Variants in AGAP3 observed in about 807,000 individuals in gnomAD.
The protein encoded by AGAP3 is ArfGAP with GTPase domain, ankyrin repeat and PH domain 3.
A neutral mutation model predicts 96.9 loss-of-function variants in AGAP3; 24 were observed. That is an observed-to-expected ratio of 0.25 (90% confidence interval 0.18 to 0.35). The LOEUF is 0.35. Ranked by LOEUF, AGAP3 falls within the 10% of genes least tolerant of loss-of-function variation. The pLI is 1.00. For synonymous variants in AGAP3, 563 were observed against 536.1 expected (o/e 1.05, Z -0.69); for missense variants, 876 against 1,254.2 (o/e 0.70, Z 4.55).
intron 1 of AGAP3, among the ~76,000 whole-genome samples, chr7:151,102,648 T>C (rs1013208744): frequency 4.6e-5 from 7 of 151,756 alleles, no homozygotes; most frequent in African/African-American, 1.5e-4. Context: ...TCTCGCTCTG[T>C]GGCTCAGGCT....
At chr7:151,102,591 G>A (rs1432378775) in intron 1 of AGAP3, among the ~76,000 whole-genome samples, 7 of 136,466 alleles carry the variant, frequency 5.1e-5, no homozygotes, top group Non-Finnish European at 9.3e-5. Context: ...GTGATACCTC[G>A]TCTCTACAAA....
intron 1 of AGAP3, among the ~76,000 whole-genome samples, chr7:151,111,512 T>C (rs1799283335): frequency 6.6e-6 from 1 of 152,136 alleles, no homozygotes. Flanking sequence ...CAGCTTTCTC[T>C]TTCTGGCAGG....
intron 10 of AGAP3, chr7:151,131,084 C>CTGAGCCCCAAGGGCATCGGGACTGG (rs1800385175): frequency 1.3e-5 from 2 of 152,328 alleles, no homozygotes; most frequent in South Asian, 4.1e-4. Context: ...AGGGTCTCGC[C>CTGAGCCCCAAGGGCATCGGGACTGG]TGAGCCCCAA....
chr7:151,106,412 A>G (rs1290227091), intron 1 of AGAP3, among the ~76,000 whole-genome samples: 1 of 152,132 alleles, frequency 6.6e-6, no homozygotes, highest in Non-Finnish European at 1.5e-5. Flanking sequence ...GGCTCACTGC[A>G]ACCTCCACCT....
At chr7:151,095,567 T>C (rs918560225) in intron 1 of AGAP3, among the ~76,000 whole-genome samples, 1 of 152,042 alleles carries the variant, frequency 6.6e-6, no homozygotes, top group Non-Finnish European at 1.5e-5. Context: ...TCCAGGGATC[T>C]CTGCTCTGCT....
chr7:151,101,078 C>T (rs992852694), intron 1 of AGAP3, among the ~76,000 whole-genome samples: 13 of 152,212 alleles, frequency 8.5e-5, no homozygotes, highest in East Asian at 7.7e-4. Flanking sequence ...TCCTGGCGTC[C>T]GCATCACTCA....
At chr7:151,127,050 G>T (rs1017465342) in intron 9 of AGAP3, among the ~76,000 whole-genome samples, 1 of 152,324 alleles carries the variant, frequency 6.6e-6, no homozygotes, top group South Asian at 2.1e-4. Context: ...CTGGAAGTGG[G>T]TGCCCTTTCT....
intron 1 of AGAP3, among the ~76,000 whole-genome samples, chr7:151,112,943 A>C (rs752274633): frequency 6.4e-4 from 98 of 152,156 alleles, no homozygotes; most frequent in Non-Finnish European, 1.2e-3. Context: ...TACGTTGGCC[A>C]GGCTGGTCTC....
chr7:151,108,525 G>A lies in AGAP3; in HGVS notation c.332-8268G>A, dbSNP rs767471512. On this transcript the variant is annotated intron_variant, in intron 1 of 17. Transcript: ENST00000397238. The surrounding 1 kb of genome is among the most constrained non-coding windows in gnomAD (Gnocchi z 4.2). ...AAAGTCACTGGGGAGCTCTCAGACCGACATCCTGACCTCTGGAGATGGGGC... is the reference window on the plus strand; with the variant it reads ...AAAGTCACTGGGGAGCTCTCAGACCAACATCCTGACCTCTGGAGATGGGGC... 4.6e-5 allele frequency among the ~76,000 whole-genome samples: 7 copies of A among 152,236 alleles called. No homozygotes were observed. The highest frequency in any genetic ancestry group is 3.4e-3 in the Middle Eastern group (1 of 294).
chr7:151,116,935 G>A (rs781593615), intron 2 of AGAP3, 84 bp downstream of exon 2: 23 of 1,575,320 alleles, frequency 1.5e-5, no homozygotes, highest in Admixed American at 6.7e-5. Flanking sequence ...TTGCTTCTCC[G>A]GCTTCTGTCC....
intron 9 of AGAP3, 117 bp from the exon 10 acceptor site, chr7:151,128,463 A>G: frequency 2.5e-6 from 2 of 797,098 alleles, no homozygotes; most frequent in East Asian, 2.7e-5. Context: ...GCTTTGCTCA[A>G]AGTGGCCCAG....
intron 8 of AGAP3, 187 bp from the exon 9 acceptor site, chr7:151,123,607 G>GC (rs1361891335): frequency 6.9e-7 from 1 of 1,442,966 alleles, no homozygotes; most frequent in Non-Finnish European, 9.1e-7. Context: ...TCTGTATGGT[G>GC]CCGTGTGTAA....
At chr7:151,134,613 G>C (rs1451832807) in intron 11 of AGAP3, 45 bp downstream of exon 11, 1 of 1,545,432 alleles carries the variant, frequency 6.5e-7, no homozygotes, top group Non-Finnish European at 8.8e-7. Flanking sequence ...GGCTGCCTTG[G>C]AGCCAAGGCA....
intron 8 of AGAP3, among the ~76,000 whole-genome samples, chr7:151,121,308 C>T (rs1008541162): frequency 1.3e-5 from 2 of 152,168 alleles, no homozygotes; most frequent in African/African-American, 4.8e-5. Context: ...GCAGCTTCTC[C>T]TTTCTATCCA....
rs752704585 is a variant in AGAP3 at position 151,138,142 on chromosome 7, G to A, written c.1496-1G>A. The A allele has an allele frequency of 5.0e-6, 8 of 1,591,866 alleles. No homozygotes were observed. The Admixed American group carries it at 8.6e-5, about 17-fold the overall frequency. On this transcript the variant is annotated splice_acceptor_variant, in intron 11 of 17. Coordinates refer to ENST00000397238, the MANE Select transcript of AGAP3 (RefSeq NM_031946.7). LOFTEE classifies it high-confidence loss of function. ...CCCAGTCTGACCCTTCCCGCCCCCA[G>A]GTGCCCCCCACTCGGCCAGCAGCGC...
chr7:151,119,096 T>G, intron 7 of AGAP3: 1 of 189,348 alleles, frequency 5.3e-6, no homozygotes, highest in Non-Finnish European at 1.1e-5. Context: ...AGCGTTCCCA[T>G]GTGGGAAAAA....
chr7:151,091,609 CAGA>C (rs1240379384), intron 1 of AGAP3, among the ~76,000 whole-genome samples: 1 of 152,180 alleles, frequency 6.6e-6, no homozygotes, highest in African/African-American at 2.4e-5. Context: ...CCTAGATTTT[CAGA>C]AGACCAGGGC....
In AGAP3 at chr7:151,134,514, C is replaced by T. The variant is rs749826638; in HGVS notation, c.1441C>T (p.Arg481Cys). Residue 481 changes from arginine (R) to cysteine (C), a missense_variant, in exon 11 of 18, where the codon CGT becomes TGT. Around this residue, in one of 8 missense-constraint regions of AGAP3, gnomAD observed 63 missense variants for 114.5 expected, o/e 0.55. Coordinates refer to ENST00000397238, the MANE Select transcript of AGAP3 (RefSeq NM_031946.7). ...TPATAPGTSP[R>C]ANGLSVERSN... The stretch of plus-strand genomic sequence containing the variant: ...TGCCACAGCCCCGGGCACCAGCCCC[C>T]GTGCCAACGGGCTGTCCGTGGAGCG... 33 of 1,613,056 alleles carry T rather than the reference C, an allele frequency of 2.0e-5. No individual in the cohort carries two copies. Among genetic ancestry groups the T allele is most frequent in the African/African-American group, 4.0e-5 (3 of 74,924 alleles).
intron 11 of AGAP3, 130 bp from the exon 12 acceptor site, chr7:151,138,013 G>A (rs1415736302): frequency 6.7e-6 from 5 of 748,198 alleles, no homozygotes; most frequent in South Asian, 1.8e-5. Flanking sequence ...AAGCTGGCCC[G>A]CCACCTGATG....
Sources: allele counts gnomAD v4.1 joint callset (sites outside exome capture counted in the v4.1 genomes callset), GRCh38; gene constraint gnomAD v4.1.1; regional missense constraint gnomAD v4.1.1; non-coding constraint Gnocchi (gnomAD v3.1); transcripts MANE v1.5; gene names NCBI Gene and HGNC (gene_info 2026-07-23, HGNC 2026-07-21).